WDR87: variants seen among roughly 807,000 people sequenced by gnomAD.
WDR87 encodes the protein WD repeat-containing protein 87.
A neutral mutation model predicts 83.3 loss-of-function variants in WDR87; 56 were observed. The ratio of observed to expected loss-of-function variants is 0.67; its 90% CI spans 0.54 to 0.84. WDR87 has a LOEUF of 0.84. Among genes scored for constraint, WDR87 ranks in the 40% least tolerant of loss-of-function variants. WDR87 has a pLI of 0.00. For synonymous variants in WDR87, 1,173 were observed against 1,250.6 expected, an observed-to-expected ratio of 0.94 and a Z score of 1.31; for missense variants, 2,939 against 3,431.9, an observed-to-expected ratio of 0.86 and a Z score of 3.59.
In WDR87 at chr19:37,891,715, C is replaced by G. The variant is rs1381504832; in HGVS notation, c.3231G>C (p.Leu1077=). The G allele has an allele frequency of 6.4e-7, 1 of 1,551,858 alleles. No homozygotes were observed. Among genetic ancestry groups the G allele is most frequent in the Non-Finnish European group, 8.7e-7 (1 of 1,147,076 alleles). Residue 1077 remains leucine (L), a synonymous_variant, in exon 5 of 6, where the codon CTG becomes CTC. Transcript: ENST00000447313. ...GCTTTTCATCTCTATGTGACAGGGT[C>G]AGGTTTTCATTCAATCTCTGCTCCA... ...TQVEQRLNEN[L]TLSHRDEKPA...
rs1477356668 is a variant in WDR87 at position 37,892,691 on chromosome 19, G to A, written c.3012C>T (p.Asp1004=). ...TCTTGATCCTCACTCTTTCATCCTT[G>A]TCCATTAATCCTTGAGCCAGAGGCA... ...FAMPLAQGLM[D]KDERVRIKTL... Residue 1004 remains aspartate (D), a synonymous_variant, in exon 4 of 6, where the codon GAC becomes GAT. Transcript: ENST00000447313. 7.1e-6 allele frequency: 11 copies of A among 1,551,778 alleles called. No homozygotes were observed. Among genetic ancestry groups the A allele is most frequent in the Non-Finnish European group, 9.6e-6 (11 of 1,147,012 alleles).
rs150513263 is a variant in WDR87 at position 37,896,750 on chromosome 19, C to G, written c.76-442G>C. On this transcript the variant is annotated intron_variant, in intron 2 of 5. Coordinates refer to ENST00000447313, the MANE Select transcript of WDR87 (RefSeq NM_001291088.2). Reference sequence around the variant, plus strand: ...TCTCCTGCTTCAGCCTCTCAAGTAGCTGGGACTACAGGCACATGCCACCAG... The same window carrying G: ...TCTCCTGCTTCAGCCTCTCAAGTAGGTGGGACTACAGGCACATGCCACCAG... Among the ~76,000 whole-genome samples, 1,423 of 152,298 alleles carry G rather than the reference C, an allele frequency of 9.3e-3. 11 individuals are homozygous for G. Among genetic ancestry groups the G allele is most frequent in the Non-Finnish European group, 0.016 (1,057 of 68,026 alleles).
At position 37,892,685 on chromosome 19, in the gene WDR87, A is replaced by G; in HGVS notation, c.3018T>C (p.Asp1006=). 1 of 1,551,838 alleles carries G rather than the reference A, an allele frequency of 6.4e-7. No homozygotes were observed. The change falls in exon 4 of 6, where the codon GAT becomes GAC. Residue 1006 remains aspartate, a synonymous_variant. Transcript: ENST00000447313. ...MPLAQGLMDK[D]ERVRIKTLSL... is the part of the protein sequence containing the mutation. The stretch of plus-strand genomic sequence containing the variant: ...TTAGGGTCTTGATCCTCACTCTTTC[A>G]TCCTTGTCCATTAATCCTTGAGCCA...
In WDR87 at chr19:37,889,729, C is replaced by G; in HGVS notation, c.3942G>C (p.Glu1314Asp). ...AGCTGGGGTGCCTATCTACCAGCATCTCCTGAGCAAATGTCACTAGCTCAG... is the reference window on the plus strand; with the variant it reads ...AGCTGGGGTGCCTATCTACCAGCATGTCCTGAGCAAATGTCACTAGCTCAG... ...LNAELVTFAQEMLVDRHPSWE... is the reference protein window; with the variant it reads ...LNAELVTFAQDMLVDRHPSWE... Residue 1314 changes from glutamate to aspartate, a missense_variant, in exon 6 of 6, where the codon GAG becomes GAC. This residue lies in a region of WDR87 where 2,160 missense variants were observed against 2,533.1 expected (regional missense o/e 0.85). Transcript: ENST00000447313. 1 of 1,551,746 alleles carries G rather than the reference C, an allele frequency of 6.4e-7. No individual in the cohort carries two copies. The highest frequency in any genetic ancestry group is 1.2e-5 in the South Asian group (1 of 84,054).
At position 37,893,534 on chromosome 19, in the gene WDR87, T is replaced by C. The variant is rs774258766; in HGVS notation, c.2169A>G (p.Gln723=). 11 of 1,551,806 alleles carry C rather than the reference T, an allele frequency of 7.1e-6. No individual in the cohort carries two copies. The East Asian group carries it at 2.2e-4, about 31-fold the overall frequency. ...MFVPKYIYPG[Q]AQQKLVGLEK... ...CCAGACCCACTAATTTCTGTTGCGC[T>C]TGTCCAGGGTAGATGTACTTGGGCA... The change falls in exon 4 of 6, where the codon CAA becomes CAG. Residue 723 remains glutamine (Q), a synonymous_variant. Transcript: ENST00000447313.
In WDR87 at chr19:37,886,466, C is replaced by T. The variant is rs1030591182; in HGVS notation, c.7205G>A (p.Arg2402Lys). The T allele has an allele frequency of 1.3e-6, 2 of 1,526,962 alleles. No homozygotes were observed. Among genetic ancestry groups the T allele is most frequent in the Non-Finnish European group, 1.8e-6 (2 of 1,140,454 alleles). 94.6% of individuals were successfully genotyped at this position (1,526,962 alleles called of 1,614,324 possible). ...QEQRRKSLRG[R>K]ERVLSILRGV... The stretch of plus-strand genomic sequence containing the variant: ...TCTTAAAATGGAAAGGACTCTTTCC[C>T]TTCCTCTTAGGCTCTTTCTTCTTTG... Residue 2402 changes from arginine (R) to lysine (K), a missense_variant, in exon 6 of 6, where the codon AGG becomes AAG. Coordinates refer to ENST00000447313, the MANE Select transcript of WDR87 (RefSeq NM_001291088.2).
rs764897685 is a variant in WDR87 at position 37,893,841 on chromosome 19, A to G, written c.1862T>C (p.Phe621Ser). The stretch of plus-strand genomic sequence containing the variant: ...AGAGCCATCGGCAGAACCTGTGACA[A>G]AAAGACTCAAGGAGAGGCAGACATC... ...SFDVCLSLSLFVTGSADGSVR... is the reference protein window; with the variant it reads ...SFDVCLSLSLSVTGSADGSVR... The change falls in exon 4 of 6, where the codon TTT (phenylalanine) becomes TCT (serine). Residue 621 changes from phenylalanine (F) to serine (S), a missense_variant. Around this residue, in one of 3 missense-constraint regions of WDR87, gnomAD observed 553 missense variants for 577.9 expected, o/e 0.96. Transcript: ENST00000447313. The G allele has an allele frequency of 9.7e-6, 15 of 1,551,876 alleles. No homozygotes were observed. The South Asian group carries it at 1.7e-4, about 17-fold the overall frequency.
rs2046154974 is a variant in WDR87 at position 37,887,047 on chromosome 19, T to C, written c.6624A>G (p.Arg2208=). ...CATCCAGTATGACTTCTGAATGCTT[T>C]CTGGCCAATTTGCTCTCTTCCTCAG... The part of the protein sequence containing the change: ...KMTEEESKLA[R]KHSEVILDDE... Residue 2208 remains arginine (R), a synonymous_variant, in exon 6 of 6, where the codon AGA becomes AGG. Transcript: ENST00000447313. The C allele has an allele frequency of 6.4e-7, 1 of 1,551,920 alleles. No individual in the cohort carries two copies. Among genetic ancestry groups the C allele is most frequent in the East Asian group, 2.4e-5 (1 of 40,924 alleles).
In WDR87 at chr19:37,894,407, C is replaced by T; in HGVS notation, c.1296G>A (p.Glu432=). 1.9e-6 allele frequency: 3 copies of T among 1,551,768 alleles called. No individual in the cohort carries two copies. Among genetic ancestry groups the T allele is most frequent in the Non-Finnish European group, 1.7e-6 (2 of 1,147,020 alleles). ...EELFVATGSS[E]VLVFDTTRCP... is the part of the protein sequence containing the mutation. ...AGCGGGTTGTGTCAAATACCAGAAC[C>T]TCTGAGCTGCCTGTTGCTACAAAGA... The change falls in exon 4 of 6, where the codon GAG becomes GAA. Residue 432 remains glutamate (E), a synonymous_variant. Transcript: ENST00000447313.
intron 5 of WDR87, 137 bp downstream of exon 5, chr19:37,891,415 C>T: frequency 8.6e-7 from 1 of 1,159,920 alleles, no homozygotes; most frequent in Non-Finnish European, 1.2e-6. Context: ...CTGCCCACCT[C>T]AGCGTCCCAG....
In WDR87 at chr19:37,890,047, C is replaced by T. The variant is rs76167694; in HGVS notation, c.3624G>A (p.Leu1208=). ...TGTCACGTATTTTCTGCAGCCTCTT[C>T]AGGGTCAATGCAATGTGATCCTTCG... ...DISKDHIALT[L]KRLQKIRDKR... The change falls in exon 6 of 6, where the codon CTG becomes CTA. Residue 1208 remains leucine (L), a synonymous_variant. Transcript: ENST00000447313. 319 of 1,551,702 alleles carry T rather than the reference C, an allele frequency of 2.1e-4. No homozygotes were observed. In the African/African-American group the frequency reaches 4.1e-3, roughly 20 times the overall value.
At position 37,885,558 on chromosome 19, in the gene WDR87, A is replaced by C; in HGVS notation, c.8113T>G (p.Phe2705Val). The C allele has an allele frequency of 6.4e-7, 1 of 1,551,716 alleles. No homozygotes were observed. Among genetic ancestry groups the C allele is most frequent in the Non-Finnish European group, 8.7e-7 (1 of 1,146,990 alleles). The change falls in exon 6 of 6, where the codon TTT (phenylalanine) becomes GTT (valine). Residue 2705 changes from phenylalanine to valine, a missense_variant. Phe to Val is a conservative substitution (Grantham distance 50). Coordinates refer to ENST00000447313, the MANE Select transcript of WDR87 (RefSeq NM_001291088.2). ...AAAATGTCTCTGGTGGCAGGATAAA[A>C]GTATTGCATTTCCATCTCCTTGTGA... is the stretch of plus-strand genomic sequence containing the variant. ...IAHKEMEMQYFYPATRDIFPS... is the reference protein window; with the variant it reads ...IAHKEMEMQYVYPATRDIFPS...
At position 37,893,418 on chromosome 19, in the gene WDR87, C is replaced by T. The variant is rs202153162; in HGVS notation, c.2285G>A (p.Arg762His). 3.4e-4 allele frequency: 530 copies of T among 1,552,144 alleles called. 2 individuals carry two copies. The African/African-American group carries it at 3.9e-3, about 11-fold the overall frequency. Residue 762 changes from arginine to histidine, a missense_variant, in exon 4 of 6, where the codon CGT becomes CAT. Physicochemically the swap from Arg to His is conservative, Grantham distance 29. Coordinates refer to ENST00000447313, the MANE Select transcript of WDR87 (RefSeq NM_001291088.2). Reference sequence around the variant, plus strand: ...CTGCAAAGAATAATGCATGGAGGAACGCAGTAACACTGGGCTCCCTTCCTC... The same window carrying T: ...CTGCAAAGAATAATGCATGGAGGAATGCAGTAACACTGGGCTCCCTTCCTC... The part of the protein sequence containing the change: ...EDEEGSPVLL[R>H]SSMHYSLQDM...
intron 1 of WDR87, among the ~76,000 whole-genome samples, chr19:37,898,660 G>A (rs777194062): frequency 6.6e-6 from 1 of 152,180 alleles, no homozygotes; most frequent in Non-Finnish European, 1.5e-5. Flanking sequence ...TGTGAAGACT[G>A]TGGGTTCTCA....
At chr19:37,906,677 T>C (rs2046332944), upstream of WDR87, 1 of 147,646 alleles carries the variant, frequency 6.8e-6, no homozygotes, top group Admixed American at 6.7e-5. Context: ...TGAACGCGCG[T>C]GCGCATGGGC....
intron 5 of WDR87, 62 bp from the exon 6 acceptor site, chr19:37,890,338 C>G: frequency 6.9e-7 from 1 of 1,449,310 alleles, no homozygotes. Flanking sequence ...AAACCCTTCC[C>G]AATATTAGGT....
chr19:37,885,086 C>T lies in WDR87; in HGVS notation c.8585G>A (p.Gly2862Asp). 6.8e-7 allele frequency: 1 copy of T among 1,466,254 alleles called. No homozygotes were observed. The highest frequency in any genetic ancestry group is 1.5e-5 in the South Asian group (1 of 68,228). The allele number at this position is 1,466,254 out of a possible 1,614,324, so 90.8% of individuals were successfully genotyped here. A position where few individuals can be genotyped will look rare whatever the true frequency, so the allele number is the denominator to read the frequency against. Residue 2862 changes from glycine (G) to aspartate (D), a missense_variant, in exon 6 of 6, where the codon GGT becomes GAT. Transcript: ENST00000447313. ...HTPRSPQEFQ[G>D]AVPLPWQNCV... ...GTTCTGCCATGGGAGGGGTACCGCA[C>T]CCTGGAACTCCTGAGGACTTCTAGG...
Position 37,889,190 on chromosome 19 carries a change from G to A in WDR87, c.4481C>T (p.Pro1494Leu). 6.4e-7 allele frequency: 1 copy of A among 1,552,140 alleles called. No individual in the cohort carries two copies. Among genetic ancestry groups the A allele is most frequent in the African/African-American group, 1.4e-5 (1 of 73,098 alleles). The change falls in exon 6 of 6, where the codon CCA becomes CTA. Residue 1494 changes from proline (P) to leucine (L), a missense_variant. Coordinates refer to ENST00000447313, the MANE Select transcript of WDR87 (RefSeq NM_001291088.2). The part of the protein sequence containing the change: ...EGKLVMIERT[P>L]SWQDWKKAWD... ...GGCCTTTTTCCAGTCCTGCCAAGAT[G>A]GTGTCCTCTCAATCATAACCAGTTT...
rs1225241611 is a variant in WDR87 at position 37,893,713 on chromosome 19, T to C, written c.1990A>G (p.Thr664Ala). The change falls in exon 4 of 6, where the codon ACT (threonine) becomes GCT (alanine). Residue 664 changes from threonine to alanine, a missense_variant. By Grantham distance (58) the Thr-to-Ala change is moderately conservative. This residue lies in a region of WDR87 where 553 missense variants were observed against 577.9 expected (regional missense o/e 0.96). Coordinates refer to ENST00000447313, the MANE Select transcript of WDR87 (RefSeq NM_001291088.2). ...ACTAGGTAAAGACTCTGGTTAAAAG[T>C]CACAAGCAGGTCACCCCGGTCATTT... The part of the protein sequence containing the change: ...FANDRGDLLV[T>A]FNQSLYLVSC... 6.4e-7 allele frequency: 1 copy of C among 1,551,696 alleles called. No homozygotes were observed. The highest frequency in any genetic ancestry group is 8.7e-7 in the Non-Finnish European group (1 of 1,147,044).
Sources: allele counts gnomAD v4.1 joint callset (sites outside exome capture counted in the v4.1 genomes callset), GRCh38; gene constraint gnomAD v4.1.1; regional missense constraint gnomAD v4.1.1; transcripts MANE v1.5; gene names NCBI Gene and HGNC (gene_info 2026-07-23, HGNC 2026-07-21).